CDH18: variants seen among roughly 807,000 people sequenced by gnomAD.
CDH18 encodes cadherin-18.
A neutral mutation model predicts 67.9 loss-of-function variants in CDH18; 31 were observed. The ratio of observed to expected loss-of-function variants is 0.46; its 90% CI spans 0.34 to 0.62. CDH18 has a LOEUF of 0.62. Ranked by LOEUF, CDH18 falls within the 20% of genes least tolerant of loss-of-function variation. The pLI, the probability that CDH18 is intolerant of heterozygous loss-of-function variation, is 0.01. For missense variants in CDH18, 890 were observed against 975.5 expected, an observed-to-expected ratio of 0.91 and a Z score of 1.17; for synonymous variants, 362 against 347.2, an observed-to-expected ratio of 1.04 and a Z score of -0.48.
At chr5:20,159,091 C>T (rs547199045) in intron 2 of CDH18, 37 of 152,306 alleles carry the variant, frequency 2.4e-4, no homozygotes, top group African/African-American at 8.4e-4. Flanking sequence ...TGAATTCAAT[C>T]TTGATGATGA....
At chr5:20,069,929 A>G (rs959396889) in intron 2 of CDH18, among the ~76,000 whole-genome samples, 3 of 152,124 alleles carry the variant, frequency 2.0e-5, no homozygotes, top group Non-Finnish European at 4.4e-5. Context: ...CCCAAAGTCC[A>G]TAGTTTAGGG....
intron 2 of CDH18, chr5:19,886,020 C>T (rs897589790): frequency 2.0e-5 from 3 of 152,090 alleles, no homozygotes; most frequent in Admixed American, 1.3e-4. Flanking sequence ...ATGACCATAG[C>T]GGTAGCAAGG....
At position 20,180,250 on chromosome 5, in the gene CDH18, A is replaced by G. The variant is rs186827263; in HGVS notation, c.-518+75194T>C. ...CTATGAATGGACTCATGGCGGGGGC[A>G]CCTGTCCATATGGATAAGATAGGGC... On this transcript the variant is annotated intron_variant, in intron 2 of 14. Transcript: ENST00000507958. Among the ~76,000 whole-genome samples, 752 of 152,132 alleles carry G rather than the reference A, an allele frequency of 4.9e-3. 8 individuals are homozygous for G. Among genetic ancestry groups the G allele is most frequent in the African/African-American group, 0.017 (694 of 41,544 alleles).
chr5:20,303,918 C>A (rs535976328), intron 1 of CDH18: 23 of 639,052 alleles, frequency 3.6e-5, no homozygotes, highest in East Asian at 3.5e-4. Flanking sequence ...CCACATTAAT[C>A]TTCCTCTCAA....
chr5:19,892,861 C>T (rs757160847), intron 2 of CDH18, among the ~76,000 whole-genome samples: 16 of 152,302 alleles, frequency 1.1e-4, no homozygotes, highest in South Asian at 4.1e-4. Context: ...CACCCACTTA[C>T]GTGGCTTCTA....
chr5:20,280,888 A>G (rs1003740874), intron 1 of CDH18, among the ~76,000 whole-genome samples: 9 of 152,174 alleles, frequency 5.9e-5, no homozygotes, highest in Non-Finnish European at 1.0e-4. Context: ...TGACTTTTAA[A>G]TGATCGCCAT....
intron 2 of CDH18, among the ~76,000 whole-genome samples, chr5:19,855,500 T>G (rs1197063350): frequency 1.3e-5 from 2 of 152,154 alleles, no homozygotes; most frequent in Non-Finnish European, 2.9e-5. Context: ...TTTTTTTTCT[T>G]GTTTTAAGCA....
At chr5:19,655,645 T>C (rs1279837811) in intron 5 of CDH18, among the ~76,000 whole-genome samples, 1 of 152,164 alleles carries the variant, frequency 6.6e-6, no homozygotes, top group East Asian at 1.9e-4. Context: ...GGCATTTGGA[T>C]ATGTCACACT....
chr5:19,818,306 G>C (rs1375459961), intron 3 of CDH18, among the ~76,000 whole-genome samples: 2 of 152,086 alleles, frequency 1.3e-5, no homozygotes, highest in Non-Finnish European at 2.9e-5. Flanking sequence ...ATGAAGACAA[G>C]AAGTCTATTA....
intron 2 of CDH18, among the ~76,000 whole-genome samples, chr5:19,844,794 A>G (rs1195511681): frequency 1.3e-5 from 2 of 152,162 alleles, no homozygotes; most frequent in Non-Finnish European, 2.9e-5. Flanking sequence ...GGTTCTAGCT[A>G]TGTTGTTCTA....
At chr5:19,632,879 G>A (rs182857618) in intron 5 of CDH18, among the ~76,000 whole-genome samples, 100 of 152,180 alleles carry the variant, frequency 6.6e-4, no homozygotes, top group Admixed American at 1.2e-3. Flanking sequence ...TTCCACTGAA[G>A]CATCACCCCA....
chr5:19,479,543 A>T (rs904347511), intron 12 of CDH18, among the ~76,000 whole-genome samples: 12 of 152,158 alleles, frequency 7.9e-5, no homozygotes, highest in African/African-American at 2.7e-4. Context: ...GTAGTTATAT[A>T]TTTTCACTAA....
intron 2 of CDH18, among the ~76,000 whole-genome samples, chr5:19,853,641 G>A (rs1326836471): frequency 2.0e-5 from 3 of 152,090 alleles, no homozygotes; most frequent in African/African-American, 4.8e-5. Context: ...ACTTTCTAAA[G>A]GTGAGAGTGC....
At chr5:19,748,604 T>C (rs1386640593) in intron 3 of CDH18, among the ~76,000 whole-genome samples, 3 of 152,172 alleles carry the variant, frequency 2.0e-5, no homozygotes, top group African/African-American at 7.2e-5. Context: ...CTCAATGATT[T>C]ACCTTTTTCT....
chr5:19,787,913 T>C (rs1775982904), intron 3 of CDH18, among the ~76,000 whole-genome samples: 1 of 151,590 alleles, frequency 6.6e-6, no homozygotes, highest in Non-Finnish European at 1.5e-5. Context: ...CAGAAGTATA[T>C]CAGATAAGTA....
At chr5:19,819,981 C>T (rs997995151) in intron 3 of CDH18, among the ~76,000 whole-genome samples, 14 of 152,166 alleles carry the variant, frequency 9.2e-5, no homozygotes, top group African/African-American at 3.4e-4. Flanking sequence ...TGCCCCTCCC[C>T]AGTAGAGTCA....
chr5:20,282,609 G>A (rs1010490397), intron 1 of CDH18, among the ~76,000 whole-genome samples: 4 of 152,006 alleles, frequency 2.6e-5, no homozygotes, highest in Admixed American at 6.6e-5. Context: ...TGCTGGATTC[G>A]ATTTGCCAGT....
chr5:19,940,392 T>G (rs951630595), intron 2 of CDH18, among the ~76,000 whole-genome samples: 1 of 151,998 alleles, frequency 6.6e-6, no homozygotes, highest in African/African-American at 2.4e-5. Flanking sequence ...TTCTCTTAAC[T>G]GATCTTCAAT....
chr5:20,078,706 G>A (rs1280059511), intron 2 of CDH18, among the ~76,000 whole-genome samples: 4 of 151,630 alleles, frequency 2.6e-5, no homozygotes, highest in Admixed American at 6.6e-5. Flanking sequence ...GGGTTCAAGC[G>A]ATTTTCCTGC....
Sources: gnomAD v4.1 joint callset for allele counts (sites outside exome capture counted in the v4.1 genomes callset) on GRCh38, gnomAD v4.1.1 for gene constraint, MANE v1.5 for transcripts, NCBI Gene and HGNC (gene_info 2026-07-23, HGNC 2026-07-21) for gene names.